Variants in CACNA2D3 observed in about 807,000 individuals in gnomAD.
CACNA2D3 encodes voltage-dependent calcium channel subunit alpha-2/delta-3.
A neutral mutation model predicts 160.6 loss-of-function variants in CACNA2D3; 60 were observed. That is an observed-to-expected ratio of 0.37 (90% CI 0.30 to 0.46). The LOEUF is 0.46. Among genes scored for constraint, CACNA2D3 ranks in the 20% least tolerant of loss-of-function variants. The probability of loss-of-function intolerance (pLI) is 1.00; values close to 1 mark genes in which losing one functional copy is unlikely to be tolerated. For synonymous variants in CACNA2D3, 558 were observed against 492.9 expected, an observed-to-expected ratio of 1.13 and a Z score of -1.75; for missense variants, 1,205 against 1,365.0, an observed-to-expected ratio of 0.88 and a Z score of 1.85.
chr3:54,188,662 C>T (rs540438110), intron 2 of CACNA2D3, among the ~76,000 whole-genome samples: 4 of 152,238 alleles, frequency 2.6e-5, no homozygotes, highest in South Asian at 2.1e-4. Flanking sequence ...AATTGCTTCA[C>T]GGCTGTAGTT....
intron 4 of CACNA2D3, among the ~76,000 whole-genome samples, chr3:54,487,202 AC>A (rs1051057558): frequency 1.3e-5 from 2 of 152,088 alleles, no homozygotes; most frequent in Admixed American, 1.3e-4. Context: ...CCCCATCTTT[AC>A]AAAAAATGAA....
chr3:54,677,547 T>C (rs1292759689), intron 11 of CACNA2D3, among the ~76,000 whole-genome samples: 1 of 150,896 alleles, frequency 6.6e-6, no homozygotes, highest in Non-Finnish European at 1.5e-5. Context: ...ATATATAGAG[T>C]GAGTAGATGA....
At chr3:54,459,240 A>G (rs975991538) in intron 4 of CACNA2D3, among the ~76,000 whole-genome samples, 34 of 151,854 alleles carry the variant, frequency 2.2e-4, no homozygotes, top group African/African-American at 6.3e-4. Context: ...ATATGTGTGC[A>G]TGTGTCTTTA....
At chr3:55,008,888 T>TACACAC (rs4024588) in intron 33 of CACNA2D3, among the ~76,000 whole-genome samples, 3,780 of 142,950 alleles carry the variant, frequency 0.026, 140 homozygotes, top group African/African-American at 0.078. Context: ...CCTCCCTCTA[T>TACACAC]ACACACACAC....
At chr3:54,569,617 T>C (rs1702462363) in intron 6 of CACNA2D3, among the ~76,000 whole-genome samples, 178 bp from the exon 7 acceptor site, 1 of 152,194 alleles carries the variant, frequency 6.6e-6, no homozygotes. Flanking sequence ...TGCTATAGGG[T>C]TATGGCCCAA....
intron 25 of CACNA2D3, chr3:54,894,769 TGAAAA>T (rs1700150823): frequency 2.3e-6 from 1 of 432,134 alleles, no homozygotes; most frequent in South Asian, 1.6e-5. Flanking sequence ...GCGAAAGAAA[TGAAAA>T]GGCTAAAATT....
chr3:54,910,115 G>A (rs946809217), intron 27 of CACNA2D3, among the ~76,000 whole-genome samples: 1 of 152,130 alleles, frequency 6.6e-6, no homozygotes, highest in Non-Finnish European at 1.5e-5. Context: ...ATCAATGCCT[G>A]AATGTCATGG....
intron 2 of CACNA2D3, among the ~76,000 whole-genome samples, chr3:54,181,543 CCCTAACATAGA>C (rs1178094911): frequency 2.0e-5 from 3 of 152,100 alleles, no homozygotes; most frequent in Admixed American, 2.0e-4. Flanking sequence ...TTAAAATCTG[CCCTAACATAGA>C]CCTCCATTAG....
chr3:55,053,510 C>A (rs1164100071), intron 35 of CACNA2D3, among the ~76,000 whole-genome samples: 2 of 151,930 alleles, frequency 1.3e-5, no homozygotes, highest in African/African-American at 2.4e-5. Flanking sequence ...ATAGTTCCTG[C>A]ACATCTGTTG....
chr3:54,144,736 G>T (rs908694165), intron 2 of CACNA2D3, among the ~76,000 whole-genome samples: 1 of 152,200 alleles, frequency 6.6e-6, no homozygotes, highest in African/African-American at 2.4e-5. Context: ...TTTGCTAAGG[G>T]AAAAATAATA....
intron 2 of CACNA2D3, among the ~76,000 whole-genome samples, chr3:54,224,116 T>C (rs28833583): frequency 0.016 from 2,409 of 152,184 alleles, 67 homozygotes; most frequent in African/African-American, 0.052. Flanking sequence ...TAAGCCAACA[T>C]GGGGTCAGGA....
At chr3:54,362,261 A>G (rs185722506) in intron 3 of CACNA2D3, among the ~76,000 whole-genome samples, 163 of 152,250 alleles carry the variant, frequency 1.1e-3, no homozygotes, top group Middle Eastern at 3.4e-3. Flanking sequence ...TCTTCTTCCA[A>G]GCTCCTTCAG....
At chr3:55,057,847 G>A (rs1704402017) in intron 35 of CACNA2D3, among the ~76,000 whole-genome samples, 1 of 151,994 alleles carries the variant, frequency 6.6e-6, no homozygotes, top group African/African-American at 2.4e-5. Flanking sequence ...GATTTTTCTT[G>A]TGAGAGATTT....
intron 2 of CACNA2D3, among the ~76,000 whole-genome samples, chr3:54,132,414 T>A (rs1054943042): frequency 3.3e-5 from 5 of 152,246 alleles, no homozygotes; most frequent in African/African-American, 1.2e-4. Flanking sequence ...TACTGGTAAC[T>A]AATTTAAAAT....
intron 11 of CACNA2D3, among the ~76,000 whole-genome samples, chr3:54,696,672 AT>A (rs1386817957): frequency 6.6e-6 from 1 of 152,168 alleles, no homozygotes; most frequent in Non-Finnish European, 1.5e-5. Context: ...CCATCATCAC[AT>A]TACTTAGCAA....
At chr3:54,181,539 T>C (rs193114298) in intron 2 of CACNA2D3, among the ~76,000 whole-genome samples, 16 of 152,320 alleles carry the variant, frequency 1.1e-4, no homozygotes, top group African/African-American at 3.4e-4. Context: ...CCTGTTAAAA[T>C]CTGCCCTAAC....
At chr3:54,441,570 G>A (rs1398433296) in intron 4 of CACNA2D3, among the ~76,000 whole-genome samples, 1 of 152,194 alleles carries the variant, frequency 6.6e-6, no homozygotes, top group Non-Finnish European at 1.5e-5. Context: ...CCATGCCTAT[G>A]TCCTGAATGG....
intron 2 of CACNA2D3, among the ~76,000 whole-genome samples, 166 bp downstream of exon 2, chr3:54,123,760 A>G (rs1268023510): frequency 6.6e-6 from 1 of 152,052 alleles, no homozygotes; most frequent in Non-Finnish European, 1.5e-5. Flanking sequence ...CTTCCTACCA[A>G]CCGGTTATTT....
At chr3:54,615,008 A>G (rs1698821277) in intron 9 of CACNA2D3, among the ~76,000 whole-genome samples, 1 of 152,226 alleles carries the variant, frequency 6.6e-6, no homozygotes, top group African/African-American at 2.4e-5. Context: ...CCTTCGGACC[A>G]ATCTTTATTT....
Sources: gnomAD v4.1 joint callset for allele counts (sites outside exome capture counted in the v4.1 genomes callset) on GRCh38, gnomAD v4.1.1 for gene constraint, MANE v1.5 for transcripts, NCBI Gene and HGNC (gene_info 2026-07-23, HGNC 2026-07-21) for gene names.